The following PRDM10 variants were observed in gnomAD, a reference collection of about 807,000 sequenced individuals.
PRDM10 encodes PR/SET domain 10, also known as PR domain zinc finger protein 10.
A neutral mutation model predicts 133.1 loss-of-function variants in PRDM10; 65 were observed. That is an observed-to-expected ratio of 0.49 (90% confidence interval 0.40 to 0.60). The LOEUF is 0.60. PRDM10 is among the 20% of genes least tolerant of loss of function. PRDM10 has a pLI of 0.00. For missense variants in PRDM10, 1,137 were observed against 1,507.1 expected (o/e 0.75, Z 4.07); for synonymous variants, 582 against 580.4 (o/e 1.00, Z -0.04).
chr11:129,996,510 C>G (rs1939071601), intron 1 of PRDM10, among the ~76,000 whole-genome samples: 1 of 152,202 alleles, frequency 6.6e-6, no homozygotes, highest in African/African-American at 2.4e-5. Flanking sequence ...TCTCACACTC[C>G]ACAGCAGAGG....
intron 1 of PRDM10, among the ~76,000 whole-genome samples, chr11:129,989,369 G>A (rs1301777990): frequency 6.6e-6 from 1 of 152,162 alleles, no homozygotes; most frequent in Non-Finnish European, 1.5e-5. Flanking sequence ...AATTTAGAAA[G>A]CTTCAAGCAC....
At chr11:129,929,430 G>A in intron 11 of PRDM10, 1 of 1,560,804 alleles carries the variant, frequency 6.4e-7, no homozygotes, top group Non-Finnish European at 8.7e-7. Context: ...AACTGAGCAG[G>A]CAGCATTAGA....
chr11:129,932,019 G>A lies in PRDM10; in HGVS notation c.1287+83C>T. 1.3e-6 allele frequency: 2 copies of A among 1,484,438 alleles called. 1 individual carries two copies. Among genetic ancestry groups the A allele is most frequent in the Middle Eastern group, 3.6e-4 (2 of 5,548 alleles). The allele number at this position is 1,484,438 out of a possible 1,614,324, so 92.0% of individuals were successfully genotyped here. On this transcript the variant is annotated intron_variant, in intron 10 of 20. Coordinates refer to ENST00000360871, the MANE Select transcript of PRDM10 (RefSeq NM_199437.2). ...GGAAAGGTCTACAAACATTGGGAAG[G>A]TCTTTGTACTTAGGTCTCGTCAGGG...
At chr11:129,915,047 A>T in intron 16 of PRDM10, 29 bp from the exon 17 acceptor site, 1 of 1,543,972 alleles carries the variant, frequency 6.5e-7, no homozygotes, top group Non-Finnish European at 8.7e-7. Flanking sequence ...AAACAAGAAT[A>T]ATTATTAGAA....
intron 17 of PRDM10, among the ~76,000 whole-genome samples, chr11:129,912,569 G>C (rs1950220620): frequency 6.6e-6 from 1 of 151,922 alleles, no homozygotes. Context: ...GGCTAACATG[G>C]TGAAACCCCG....
chr11:129,960,673 C>T (rs568604551), intron 2 of PRDM10, among the ~76,000 whole-genome samples: 5 of 152,246 alleles, frequency 3.3e-5, no homozygotes, highest in South Asian at 2.1e-4. Context: ...GCAGACAAGG[C>T]GGAGAAGCCT....
intron 1 of PRDM10, among the ~76,000 whole-genome samples, chr11:129,963,605 T>C (rs184897943): frequency 1.3e-5 from 2 of 152,228 alleles, no homozygotes; most frequent in Non-Finnish European, 2.9e-5. Flanking sequence ...CATGTTTACT[T>C]TACTATTTCC....
chr11:129,987,759 G>A (rs971496302), intron 1 of PRDM10, among the ~76,000 whole-genome samples: 2 of 152,216 alleles, frequency 1.3e-5, no homozygotes, highest in African/African-American at 4.8e-5. Flanking sequence ...CCAGCCCTTT[G>A]GGAGGCCGAG....
Position 129,937,644 on chromosome 11 carries a change from C to G in PRDM10, c.993G>C (p.Glu331Asp). The change falls in exon 8 of 21, where the codon GAG becomes GAC. Residue 331 changes from glutamate (E) to aspartate (D), a missense_variant. Glu to Asp is a conservative substitution (Grantham distance 45, BLOSUM62 2). This residue lies in a region of PRDM10 where 635 missense variants were observed against 835.2 expected (regional missense o/e 0.76). Transcript: ENST00000360871. ...LKVWYAASYA[E>D]FVNQKIHDIS... ...TGTCATGAATTTTCTGGTTCACGAACTCAGCATAGGATGCGGCATACCACA... is the reference window on the plus strand; with the variant it reads ...TGTCATGAATTTTCTGGTTCACGAAGTCAGCATAGGATGCGGCATACCACA... 1 of 1,613,832 alleles carries G rather than the reference C, an allele frequency of 6.2e-7. No homozygotes were observed. The highest frequency in any genetic ancestry group is 8.5e-7 in the Non-Finnish European group (1 of 1,179,990).
intron 4 of PRDM10, among the ~76,000 whole-genome samples, chr11:129,950,968 C>A (rs1591653578): frequency 6.6e-6 from 1 of 152,158 alleles, no homozygotes; most frequent in Non-Finnish European, 1.5e-5. Flanking sequence ...CAGACTGTGG[C>A]AAAAGGAAAT....
rs186575330 is a variant in PRDM10, at chr11:129,936,610, G to A, written c.1039+988C>T. On this transcript the variant is annotated intron_variant, in intron 8 of 20. Coordinates refer to ENST00000360871, the MANE Select transcript of PRDM10 (RefSeq NM_199437.2). Reference sequence around the variant, plus strand: ...GGAGCTTGCAGTGAGCCGAGATCACGCCACTGCACTCCAGCCTCGGTGACA... The same window carrying A: ...GGAGCTTGCAGTGAGCCGAGATCACACCACTGCACTCCAGCCTCGGTGACA... 1.5e-3 allele frequency among the ~76,000 whole-genome samples: 223 copies of A among 151,924 alleles called. 1 individual carries two copies. Among genetic ancestry groups the A allele is most frequent in the African/African-American group, 4.6e-3 (189 of 41,408 alleles).
chr11:129,977,699 A>G (rs1937861924), intron 1 of PRDM10, among the ~76,000 whole-genome samples: 1 of 152,202 alleles, frequency 6.6e-6, no homozygotes, highest in African/African-American at 2.4e-5. Flanking sequence ...TCATGCCCAT[A>G]ATCCCACCAC....
chr11:129,987,077 G>A (rs1212514898), intron 1 of PRDM10, among the ~76,000 whole-genome samples: 1 of 152,130 alleles, frequency 6.6e-6, no homozygotes, highest in Non-Finnish European at 1.5e-5. Context: ...AAATATACCT[G>A]AAATTCAAAT....
chr11:130,001,877 GGCCTCC>G (rs1023160036), intron 1 of PRDM10, among the ~76,000 whole-genome samples: 2 of 151,962 alleles, frequency 1.3e-5, no homozygotes, highest in East Asian at 3.9e-4. Flanking sequence ...CCCCGGCCTC[GGCCTCC>G]GCCTCCGCCC....
rs762296665 is a variant in PRDM10 at position 129,942,636 on chromosome 11, G to GA, written c.763-8dup. The GA allele has an allele frequency of 8.9e-6, 14 of 1,570,562 alleles. No homozygotes were observed. Among genetic ancestry groups the GA allele is most frequent in the South Asian group, 4.6e-5 (4 of 86,734 alleles). On this transcript the variant is annotated splice_polypyrimidine_tract_variant and splice_region_variant and intron_variant, in intron 6 of 20. Transcript: ENST00000360871. ...CCCCTTTATCAAGAGAAACCTGCAC[G>GA]AAAAAAAAGCCACACCAAAAACAAA...
intron 1 of PRDM10, among the ~76,000 whole-genome samples, chr11:129,977,562 G>A (rs577038503): frequency 4.6e-5 from 7 of 152,288 alleles, no homozygotes; most frequent in African/African-American, 9.6e-5. Context: ...GATTACAGGC[G>A]TGAGCCACTG....
rs141072278 is a variant in PRDM10, at chr11:129,926,653, G to C, written c.1531-1424C>G. 5.9e-5 allele frequency among the ~76,000 whole-genome samples: 9 copies of C among 152,282 alleles called. No homozygotes were observed. The East Asian group carries it at 1.7e-3, about 29-fold the overall frequency. On this transcript the variant is annotated intron_variant, in intron 11 of 20. Transcript: ENST00000360871. ...CTCAGGGCTTCTCTAACCGGGCTAG[G>C]AGAAAGATTTTTAAGCTGCTACCTA...
intron 1 of PRDM10, among the ~76,000 whole-genome samples, chr11:129,972,382 C>G (rs1384922458): frequency 7.9e-5 from 12 of 152,230 alleles, no homozygotes; most frequent in African/African-American, 2.4e-4. Flanking sequence ...GCTGTCACCT[C>G]TCAAAATGAC....
At chr11:129,944,373 T>C (rs988712516) in intron 6 of PRDM10, among the ~76,000 whole-genome samples, 1 of 152,010 alleles carries the variant, frequency 6.6e-6, no homozygotes, top group African/African-American at 2.4e-5. Context: ...GGCGGGCAGA[T>C]CACGAGGTCA....
Sources: gnomAD v4.1 joint callset for allele counts (sites outside exome capture counted in the v4.1 genomes callset) on GRCh38, gnomAD v4.1.1 for gene constraint, gnomAD v4.1.1 regional missense constraint, MANE v1.5 for transcripts, NCBI Gene and HGNC (gene_info 2026-07-23, HGNC 2026-07-21) for gene names.